Variants in PPEF2 observed in about 807,000 individuals in gnomAD.
The protein encoded by PPEF2 is protein phosphatase with EF-hand domain 2, also known as serine/threonine-protein phosphatase with EF-hands 2.
A neutral mutation model predicts 84.7 loss-of-function variants in PPEF2; 84 were observed. That is an observed-to-expected ratio of 0.99 (90% CI 0.83 to 1.19). PPEF2 has a LOEUF of 1.19. Ranked by LOEUF, PPEF2 falls within the 50% of genes most tolerant of loss-of-function variation. The pLI, the probability that PPEF2 is intolerant of heterozygous loss-of-function variation, is 0.00. For synonymous variants in PPEF2, 346 were observed against 345.2 expected (o/e 1.00, Z -0.03); for missense variants, 924 against 937.5 (o/e 0.99, Z 0.19).
chr4:75,896,140 T>C, intron 2 of PPEF2, 131 bp downstream of exon 2: 1 of 940,728 alleles, frequency 1.1e-6, no homozygotes, highest in Non-Finnish European at 1.7e-6. Flanking sequence ...GAGGAGAAGC[T>C]GACCTCTAAG....
At chr4:75,879,986 A>G (rs13131530) in intron 10 of PPEF2, among the ~76,000 whole-genome samples, 131,637 of 151,944 alleles carry the variant, frequency 0.87, 59,824 homozygotes, top group Non-Finnish European at 0.99. Flanking sequence ...GCGTCACCAC[A>G]TCCAGCTAAT....
At chr4:75,865,826 G>A (rs1458009175) in intron 15 of PPEF2, among the ~76,000 whole-genome samples, 3 of 152,148 alleles carry the variant, frequency 2.0e-5, no homozygotes, top group African/African-American at 4.8e-5. Context: ...TTTTAAGTAG[G>A]GTAAGCACCA....
intron 16 of PPEF2, among the ~76,000 whole-genome samples, chr4:75,863,358 G>A (rs1724051306): frequency 6.6e-6 from 1 of 151,456 alleles, no homozygotes; most frequent in Non-Finnish European, 1.5e-5. Context: ...AAAATAGCCA[G>A]GTGTGGTGGC....
At chr4:75,868,628 C>G (rs966704553) in intron 13 of PPEF2, among the ~76,000 whole-genome samples, 1 of 145,816 alleles carries the variant, frequency 6.9e-6, no homozygotes, top group Admixed American at 6.8e-5. Context: ...CCTGGGAGGT[C>G]GAGGCTGCAG....
intron 11 of PPEF2, among the ~76,000 whole-genome samples, chr4:75,873,604 T>C (rs562006853): frequency 7.2e-5 from 11 of 152,270 alleles, no homozygotes; most frequent in African/African-American, 2.6e-4. Context: ...GATGAAGTTG[T>C]CCTGCTAGAA....
At chr4:75,875,283 C>T (rs1199342220) in intron 11 of PPEF2, among the ~76,000 whole-genome samples, 2 of 151,840 alleles carry the variant, frequency 1.3e-5, no homozygotes, top group African/African-American at 4.8e-5. Context: ...CAGCAAGTTC[C>T]TATAATTCTG....
chr4:75,863,893 G>T (rs548161635), intron 16 of PPEF2, among the ~76,000 whole-genome samples: 3 of 142,504 alleles, frequency 2.1e-5, no homozygotes, highest in African/African-American at 7.9e-5. Flanking sequence ...TTTTTTCCGC[G>T]ACAGAGTCTC....
In PPEF2 at chr4:75,872,065, G is replaced by A; in HGVS notation, c.1609C>T (p.Gln537Ter). The A allele has an allele frequency of 6.2e-7, 1 of 1,613,640 alleles. No individual in the cohort carries two copies. Among genetic ancestry groups the A allele is most frequent in the African/African-American group, 1.3e-5 (1 of 74,984 alleles). Reference sequence around the variant, plus strand: ...AGTGTGTGGGTCACCTTGTTAGCTTGATACTGCACAATATGTGGGGTCAGG... The same window carrying A: ...AGTGTGTGGGTCACCTTGTTAGCTTAATACTGCACAATATGTGGGGTCAGG... ...PALTPHIVQY[Q>*]ANKVTHTLTM... The change falls in exon 13 of 17, where the codon CAA becomes TAA. Residue 537 changes from glutamine to a stop codon, truncating the protein, a stop_gained. Coordinates refer to ENST00000286719, the MANE Select transcript of PPEF2 (RefSeq NM_006239.3). LOFTEE classifies it high-confidence loss of function.
chr4:75,876,169 T>G, intron 11 of PPEF2, 118 bp downstream of exon 11: 1 of 1,150,792 alleles, frequency 8.7e-7, no homozygotes, highest in Non-Finnish European at 1.2e-6. Flanking sequence ...CCTTCTGGGG[T>G]GTTGTTACCC....
At chr4:75,876,148 A>G in intron 11 of PPEF2, 139 bp downstream of exon 11, 5 of 1,092,392 alleles carry the variant, frequency 4.6e-6, no homozygotes, top group Non-Finnish European at 6.5e-6. Context: ...TCATTAGGCA[A>G]ATACTAGTGT....
rs146787631 is a variant in PPEF2, at chr4:75,873,132, G to A, written c.1501C>T (p.Arg501Cys). ...GCTGCAGAGGGAGCACCCACCTTGC[G>A]GTTGTGACAGAATTCATAGCCTTCA... ...KPEGYEFCHN[R>C]KVLTIFSASN... Residue 501 changes from arginine (R) to cysteine (C), a missense_variant, in exon 12 of 17, where the codon CGC becomes TGC. Transcript: ENST00000286719. 2.9e-5 allele frequency: 46 copies of A among 1,613,254 alleles called. No homozygotes were observed. The highest frequency in any genetic ancestry group is 1.7e-4 in the Admixed American group (10 of 60,000).
rs1724416023 is a variant in PPEF2, at chr4:75,876,458, C to A, written c.1149G>T (p.Gly383=). 4 of 1,613,898 alleles carry A rather than the reference C, an allele frequency of 2.5e-6. No homozygotes were observed. In the African/African-American group the frequency reaches 4.0e-5, roughly 16 times the overall value. The change falls in exon 11 of 17, where the codon GGG becomes GGT. Residue 383 remains glycine (G), a synonymous_variant. Coordinates refer to ENST00000286719, the MANE Select transcript of PPEF2 (RefSeq NM_006239.3). ...SSIPCSGSLD[G]RELSRQVRSS... ...TCCGCACCTGCCGGGAGAGCTCCCG[C>A]CCGTCCAGGGAACCGCTGCAGGGGA... is the stretch of plus-strand genomic sequence containing the variant.
chr4:75,890,365 T>C (rs1369001964), intron 4 of PPEF2, among the ~76,000 whole-genome samples: 1 of 151,916 alleles, frequency 6.6e-6, no homozygotes, highest in African/African-American at 2.4e-5. Flanking sequence ...GTCACACACC[T>C]GTAGTTCCAG....
At chr4:75,862,287 C>A (rs1452847052) in intron 16 of PPEF2, among the ~76,000 whole-genome samples, 1 of 95,922 alleles carries the variant, frequency 1.0e-5, no homozygotes, top group African/African-American at 4.5e-5. Context: ...AGCGAGACTC[C>A]ATCTCAAAAA....
chr4:75,864,014 G>A (rs776892723), intron 16 of PPEF2, among the ~76,000 whole-genome samples: 7 of 151,630 alleles, frequency 4.6e-5, no homozygotes, highest in East Asian at 1.9e-4. Flanking sequence ...CTGGGATTAC[G>A]GACATGTGCC....
At chr4:75,886,090 C>T (rs1395473842) in intron 7 of PPEF2, among the ~76,000 whole-genome samples, 3 of 152,168 alleles carry the variant, frequency 2.0e-5, no homozygotes, top group South Asian at 2.1e-4. Flanking sequence ...TAATCCTGCT[C>T]AGTACCAACC....
intron 11 of PPEF2, among the ~76,000 whole-genome samples, chr4:75,875,688 T>C (rs1249542911): frequency 2.6e-5 from 4 of 152,208 alleles, no homozygotes; most frequent in Non-Finnish European, 4.4e-5. Context: ...TTTTCAGGGC[T>C]CTCTCTGCCA....
chr4:75,863,284 G>A (rs1724048708), intron 16 of PPEF2, among the ~76,000 whole-genome samples: 2 of 151,434 alleles, frequency 1.3e-5, no homozygotes, highest in Non-Finnish European at 2.9e-5. Flanking sequence ...GAGGTCAGGA[G>A]ATCGAGACCA....
At chr4:75,864,406 G>T in intron 16 of PPEF2, 34 bp downstream of exon 16, 1 of 1,470,668 alleles carries the variant, frequency 6.8e-7, no homozygotes, top group Non-Finnish European at 9.5e-7. Context: ...TACTTGCAGT[G>T]CTTCAAAAGT....
Sources: gnomAD v4.1 joint callset for allele counts (sites outside exome capture counted in the v4.1 genomes callset) on GRCh38, gnomAD v4.1.1 for gene constraint, MANE v1.5 for transcripts, NCBI Gene and HGNC (gene_info 2026-07-23, HGNC 2026-07-21) for gene names.